SKAP2: variants seen among roughly 807,000 people sequenced by gnomAD.
SKAP2 encodes src kinase-associated phosphoprotein 2.
A neutral mutation model predicts 54.9 loss-of-function variants in SKAP2; 28 were observed. The observed-to-expected ratio is 0.51, with a 90% confidence interval of 0.38 to 0.70. SKAP2 has a LOEUF of 0.70. Ranked by LOEUF, SKAP2 falls within the 30% of genes least tolerant of loss-of-function variation. The pLI is 0.00. For synonymous variants in SKAP2, 137 were observed against 134.3 expected (o/e 1.02, Z -0.14); for missense variants, 356 against 424.1 (o/e 0.84, Z 1.41).
intron 4 of SKAP2, among the ~76,000 whole-genome samples, chr7:26,752,560 C>G (rs891748126): frequency 6.6e-6 from 1 of 152,150 alleles, no homozygotes; most frequent in Non-Finnish European, 1.5e-5. Context: ...TTCAGACAAT[C>G]ATTCCAAAAT....
chr7:26,856,037 A>G (rs900406066), intron 1 of SKAP2, among the ~76,000 whole-genome samples: 1 of 152,158 alleles, frequency 6.6e-6, no homozygotes, highest in Non-Finnish European at 1.5e-5. Context: ...AAAACCTAGT[A>G]TATGTGATAG....
intron 4 of SKAP2, among the ~76,000 whole-genome samples, chr7:26,816,814 A>T (rs1784275395): frequency 6.6e-6 from 1 of 152,130 alleles, no homozygotes; most frequent in Admixed American, 6.6e-5. Context: ...GAAAAGTATT[A>T]GTCAAATCAC....
chr7:26,726,418 A>G (rs1349989937), intron 7 of SKAP2, among the ~76,000 whole-genome samples: 1 of 152,174 alleles, frequency 6.6e-6, no homozygotes, highest in Non-Finnish European at 1.5e-5. Flanking sequence ...CTTATTAAAC[A>G]TACATTCCAT....
chr7:26,745,497 G>A (rs1490780531), intron 4 of SKAP2, among the ~76,000 whole-genome samples: 1 of 152,148 alleles, frequency 6.6e-6, no homozygotes, highest in Admixed American at 6.6e-5. Context: ...ACCTCCTGGG[G>A]GGAGATAGAG....
intron 4 of SKAP2, among the ~76,000 whole-genome samples, chr7:26,785,250 G>A (rs925181754): frequency 1.3e-5 from 2 of 151,880 alleles, no homozygotes; most frequent in Admixed American, 6.6e-5. Flanking sequence ...GCAGTGGCGC[G>A]ATCTCGGCTC....
In SKAP2 at chr7:26,833,911, C is replaced by T. The variant is rs531438069; in HGVS notation, c.307+10119G>A. ...AGAATATACATTCTTCTCAGCACCA[C>T]ATTGCACTTATTCTAAAATTGACCA... On this transcript the variant is annotated intron_variant, in intron 4 of 12. Transcript: ENST00000345317. Among the ~76,000 whole-genome samples, 3 of 152,318 alleles carry T rather than the reference C, an allele frequency of 2.0e-5. No homozygotes were observed. In the East Asian group the frequency reaches 5.8e-4, roughly 29 times the overall value.
chr7:26,723,557 G>A (rs1176906530), intron 9 of SKAP2, among the ~76,000 whole-genome samples: 3 of 152,028 alleles, frequency 2.0e-5, no homozygotes, highest in African/African-American at 7.2e-5. Flanking sequence ...TGGGTGAGGA[G>A]GGGGGCAAGG....
intron 10 of SKAP2, among the ~76,000 whole-genome samples, chr7:26,686,165 C>T (rs1459616697): frequency 6.7e-6 from 1 of 150,070 alleles, no homozygotes; most frequent in African/African-American, 2.4e-5. Context: ...ATTTTAAAGC[C>T]AAAAAAAAGA....
intron 9 of SKAP2, among the ~76,000 whole-genome samples, chr7:26,723,114 G>A (rs1026627468): frequency 6.6e-6 from 1 of 152,172 alleles, no homozygotes; most frequent in Admixed American, 6.5e-5. Flanking sequence ...TTTCACAGAA[G>A]TGAAAGCAAT....
intron 1 of SKAP2, chr7:26,857,715 T>C (rs780913858): frequency 9.2e-5 from 91 of 985,318 alleles, no homozygotes; most frequent in Non-Finnish European, 1.0e-4. Flanking sequence ...GAGCCCTCAC[T>C]AGACAAATGG....
intron 4 of SKAP2, among the ~76,000 whole-genome samples, chr7:26,750,444 G>A (rs1328981127): frequency 3.3e-5 from 5 of 151,348 alleles, no homozygotes; most frequent in Non-Finnish European, 7.4e-5. Context: ...CCAAGTAGCT[G>A]GGATTACAGG....
intron 1 of SKAP2, among the ~76,000 whole-genome samples, chr7:26,861,184 G>C (rs1785264681): frequency 6.6e-6 from 1 of 151,846 alleles, no homozygotes; most frequent in South Asian, 2.1e-4. Flanking sequence ...AATGAAGGAG[G>C]CTGGAGGGAA....
At chr7:26,723,137 T>A (rs1175641061) in intron 9 of SKAP2, among the ~76,000 whole-genome samples, 1 of 152,216 alleles carries the variant, frequency 6.6e-6, no homozygotes, top group African/African-American at 2.4e-5. Flanking sequence ...GCTTAATTCT[T>A]GTCCTGAAAG....
At position 26,727,013 on chromosome 7, in the gene SKAP2, A is replaced by G. The variant is rs1197577452; in HGVS notation, c.470-7T>C. On this transcript the variant is annotated splice_polypyrimidine_tract_variant and splice_region_variant and intron_variant, in intron 6 of 12. Coordinates refer to ENST00000345317, the MANE Select transcript of SKAP2 (RefSeq NM_003930.5). ...TCACCTTTCTGTTGTTTGTCTGTTG[A>G]AGATAAAACCAGTTAGAATTTCATT... 1 of 1,588,566 alleles carries G rather than the reference A, an allele frequency of 6.3e-7. No individual in the cohort carries two copies. The highest frequency in any genetic ancestry group is 8.5e-7 in the Non-Finnish European group (1 of 1,169,628).
intron 4 of SKAP2, among the ~76,000 whole-genome samples, chr7:26,790,112 G>A (rs1783643323): frequency 6.6e-6 from 1 of 152,096 alleles, no homozygotes; most frequent in Admixed American, 6.6e-5. Flanking sequence ...ACCTCTAACT[G>A]TTCATTCTAT....
chr7:26,683,523 A>G (rs1359808646), intron 11 of SKAP2, among the ~76,000 whole-genome samples: 1 of 136,138 alleles, frequency 7.3e-6, no homozygotes, highest in Non-Finnish European at 1.6e-5. Flanking sequence ...CAGGTGCTTT[A>G]TGATGGATGG....
intron 11 of SKAP2, among the ~76,000 whole-genome samples, chr7:26,670,826 C>A (rs978385671): frequency 6.6e-6 from 1 of 151,888 alleles, no homozygotes; most frequent in Admixed American, 6.6e-5. Flanking sequence ...TTTATTATTC[C>A]TTTATTATTG....
chr7:26,798,413 T>C (rs1320798735), intron 4 of SKAP2, among the ~76,000 whole-genome samples: 2 of 151,902 alleles, frequency 1.3e-5, no homozygotes, highest in African/African-American at 2.4e-5. Flanking sequence ...ATTGGCATAC[T>C]GAAGAAGGCA....
intron 4 of SKAP2, among the ~76,000 whole-genome samples, chr7:26,792,163 A>G (rs191040409): frequency 6.6e-5 from 10 of 152,196 alleles, no homozygotes; most frequent in Admixed American, 5.9e-4. Context: ...CAGAAATCAG[A>G]TAAGTGGTTG....
Sources: gnomAD v4.1 joint callset for allele counts (sites outside exome capture counted in the v4.1 genomes callset) on GRCh38, gnomAD v4.1.1 for gene constraint, MANE v1.5 for transcripts, NCBI Gene and HGNC (gene_info 2026-07-23, HGNC 2026-07-21) for gene names.